REEP1: variants seen among roughly 807,000 people sequenced by gnomAD.
REEP1 encodes the protein receptor accessory protein 1.
REEP1 carries 22 observed loss-of-function variants against 40.3 expected under a neutral mutation model. That is an observed-to-expected ratio of 0.55 (90% confidence interval 0.39 to 0.78). REEP1 has a LOEUF of 0.78. Among genes scored for constraint, REEP1 ranks in the 30% least tolerant of loss-of-function variants. The pLI is 0.00. For synonymous variants in REEP1, 116 were observed against 139.2 expected, an observed-to-expected ratio of 0.83 and a Z score of 1.17; for missense variants, 280 against 361.1, an observed-to-expected ratio of 0.78 and a Z score of 1.82.
intron 8 of REEP1, among the ~76,000 whole-genome samples, chr2:86,217,419 T>TA (rs1426591819): frequency 1.3e-5 from 2 of 152,202 alleles, no homozygotes; most frequent in Non-Finnish European, 2.9e-5. Flanking sequence ...AAAATTATCT[T>TA]AAATGATTCA....
chr2:86,251,147 G>A (rs1676248683), intron 5 of REEP1, among the ~76,000 whole-genome samples: 1 of 152,174 alleles, frequency 6.6e-6, no homozygotes, highest in South Asian at 2.1e-4. Flanking sequence ...GGTTGTTGGG[G>A]AAGGGCTTGT....
chr2:86,306,197 C>A (rs1679472964), intron 1 of REEP1, among the ~76,000 whole-genome samples: 1 of 152,086 alleles, frequency 6.6e-6, no homozygotes, highest in Non-Finnish European at 1.5e-5. Flanking sequence ...CCAGCCCATA[C>A]CTGCTGATCC....
At chr2:86,235,280 A>T (rs997140465) in intron 5 of REEP1, among the ~76,000 whole-genome samples, 2 of 152,198 alleles carry the variant, frequency 1.3e-5, no homozygotes, top group Non-Finnish European at 2.9e-5. Flanking sequence ...TCAGGCCTTG[A>T]TTCAAATTCC....
chr2:86,235,148 T>C (rs1324277845), intron 5 of REEP1, among the ~76,000 whole-genome samples: 6 of 152,166 alleles, frequency 3.9e-5, no homozygotes, highest in African/African-American at 1.4e-4. Context: ...GGTGCTAACA[T>C]GAAACACCAA....
intron 2 of REEP1, chr2:86,279,929 A>G: frequency 2.2e-6 from 1 of 455,788 alleles, no homozygotes; most frequent in Non-Finnish European, 4.4e-6. Flanking sequence ...AATGGTGACA[A>G]TAAAAAACTA....
chr2:86,333,242 GT>G (rs2104549011), intron 1 of REEP1, among the ~76,000 whole-genome samples: 1 of 151,914 alleles, frequency 6.6e-6, no homozygotes, highest in South Asian at 2.1e-4. Context: ...TTTTCCATTT[GT>G]TTTGCAACAG....
chr2:86,232,527 G>C (rs1026482423), intron 6 of REEP1, 98 bp downstream of exon 6: 29 of 1,436,616 alleles, frequency 2.0e-5, no homozygotes, highest in East Asian at 4.6e-5. Context: ...AGGTCCGTGG[G>C]GCCAGGGCCA....
chr2:86,275,688 C>T (rs1677722506), intron 2 of REEP1, among the ~76,000 whole-genome samples: 1 of 152,252 alleles, frequency 6.6e-6, no homozygotes, highest in South Asian at 2.1e-4. Flanking sequence ...GTTTCCCACT[C>T]TCCGTCAGCC....
chr2:86,226,985 C>T (rs1485510567), intron 7 of REEP1, among the ~76,000 whole-genome samples: 1 of 152,178 alleles, frequency 6.6e-6, no homozygotes, highest in African/African-American at 2.4e-5. Context: ...ATGGCTCACT[C>T]TAGGCCAGGC....
At chr2:86,304,263 G>A (rs1029346043) in intron 1 of REEP1, among the ~76,000 whole-genome samples, 1 of 152,114 alleles carries the variant, frequency 6.6e-6, no homozygotes, top group Non-Finnish European at 1.5e-5. Flanking sequence ...CCAAGCCCTC[G>A]ATTTCACAGT....
intron 5 of REEP1, among the ~76,000 whole-genome samples, chr2:86,236,448 T>C (rs1309315377): frequency 6.6e-6 from 1 of 152,194 alleles, no homozygotes; most frequent in Non-Finnish European, 1.5e-5. Context: ...GAAATAAATT[T>C]GGATTCTCTA....
At chr2:86,312,758 T>C (rs1411811339) in intron 1 of REEP1, among the ~76,000 whole-genome samples, 1 of 152,258 alleles carries the variant, frequency 6.6e-6, no homozygotes, top group Non-Finnish European at 1.5e-5. Flanking sequence ...AGAGAAATAA[T>C]GTATGCAGAC....
chr2:86,337,741 C>G (rs1681123618), upstream of REEP1: 1 of 880,350 alleles, frequency 1.1e-6, no homozygotes, highest in South Asian at 5.3e-5. The surrounding 1 kb of genome is among the most constrained non-coding windows in gnomAD (Gnocchi z 5.8). Flanking sequence ...AGCGATTGGG[C>G]GGTGAGCTGG....
intron 5 of REEP1, among the ~76,000 whole-genome samples, chr2:86,245,629 C>G (rs1021328028): frequency 6.6e-6 from 1 of 152,178 alleles, no homozygotes; most frequent in Non-Finnish European, 1.5e-5. Flanking sequence ...GGGCCTTTTG[C>G]AGCCTCCATT....
At chr2:86,256,130 C>A (rs570777270) in intron 3 of REEP1, among the ~76,000 whole-genome samples, 2 of 152,024 alleles carry the variant, frequency 1.3e-5, no homozygotes, top group African/African-American at 4.8e-5. Flanking sequence ...GGGTGGATCA[C>A]AAGGTCAGGG....
At chr2:86,276,782 C>T (rs1025899097) in intron 2 of REEP1, among the ~76,000 whole-genome samples, 4 of 145,112 alleles carry the variant, frequency 2.8e-5, no homozygotes, top group Non-Finnish European at 2.9e-5. Context: ...AAAGTGAGGT[C>T]CGTGGACCAG....
intron 1 of REEP1, among the ~76,000 whole-genome samples, chr2:86,305,063 C>T (rs186443236): frequency 5.9e-5 from 9 of 151,706 alleles, no homozygotes; most frequent in East Asian, 1.9e-4. Context: ...GGTACCTAGA[C>T]GAGGTACCTT....
intron 6 of REEP1, among the ~76,000 whole-genome samples, chr2:86,229,598 CTTTT>C (rs70956106): frequency 1.7e-5 from 2 of 114,444 alleles, no homozygotes; most frequent in African/African-American, 6.2e-5. Context: ...ACCTGTCTTC[CTTTT>C]TTTTTTTTTT....
At chr2:86,237,485 C>A (rs571167914) in intron 5 of REEP1, among the ~76,000 whole-genome samples, 1 of 152,114 alleles carries the variant, frequency 6.6e-6, no homozygotes, top group Non-Finnish European at 1.5e-5. Flanking sequence ...CTAATGCGTT[C>A]CTTTTTATTT....
Sources: gnomAD v4.1 joint callset for allele counts (sites outside exome capture counted in the v4.1 genomes callset) on GRCh38, gnomAD v4.1.1 for gene constraint, Gnocchi (gnomAD v3.1) non-coding constraint, MANE v1.5 for transcripts, NCBI Gene and HGNC (gene_info 2026-07-23, HGNC 2026-07-21) for gene names.